BHMT: variants seen among roughly 807,000 people sequenced by gnomAD.
BHMT encodes betaine--homocysteine S-methyltransferase 1.
In BHMT, 38 loss-of-function variants were observed where a neutral mutation model predicts 49.5. The observed-to-expected ratio is 0.77, with a 90% confidence interval of 0.59 to 1.01. The LOEUF is 1.01. Among genes scored for constraint, BHMT ranks in the 50% least tolerant of loss-of-function variants. BHMT has a pLI of 0.00. For missense variants in BHMT, 426 were observed against 495.7 expected (o/e 0.86, Z 1.34); for synonymous variants, 166 against 176.3 (o/e 0.94, Z 0.46).
chr5:79,115,807 G>A lies in BHMT; in HGVS notation c.74G>A (p.Gly25Glu), dbSNP rs1398788417. The change falls in exon 2 of 8, where the codon GGA (glycine) becomes GAA (glutamate). Residue 25 changes from glycine (G) to glutamate (E), a missense_variant. Physicochemically the swap from Gly to Glu is moderately conservative, Grantham distance 98. Around this residue, in one of 3 missense-constraint regions of BHMT, gnomAD observed 321 missense variants for 355.9 expected, o/e 0.90. Transcript: ENST00000274353. ...TTAAATGCTGGAGAGATTGTGATTG[G>A]AGATGGAGGGTTTGTCTTTGCACTG... ...ERLNAGEIVIGDGGFVFALEK... is the reference protein window; with the variant it reads ...ERLNAGEIVIEDGGFVFALEK... The A allele has an allele frequency of 2.5e-6, 4 of 1,613,902 alleles. No individual in the cohort carries two copies. Among genetic ancestry groups the A allele is most frequent in the Non-Finnish European group, 3.4e-6 (4 of 1,179,890 alleles).
At chr5:79,121,717 A>C (rs2112727653) in intron 5 of BHMT, among the ~76,000 whole-genome samples, 1 of 149,440 alleles carries the variant, frequency 6.7e-6, no homozygotes, top group South Asian at 2.2e-4. Context: ...CGGGAGGCTG[A>C]GGCAGGAGAA....
At chr5:79,121,023 C>T (rs1178942340) in intron 4 of BHMT, among the ~76,000 whole-genome samples, 195 bp from the exon 5 acceptor site, 7 of 151,874 alleles carry the variant, frequency 4.6e-5, no homozygotes, top group Non-Finnish European at 8.8e-5. Flanking sequence ...TGGTGGCGGG[C>T]GCCTGTAATC....
intron 2 of BHMT, chr5:79,116,378 T>G (rs563807800): frequency 6.6e-6 from 1 of 152,482 alleles, no homozygotes; most frequent in African/African-American, 2.4e-5. Context: ...AAACATATCT[T>G]GGAATCCAGG....
chr5:79,124,371 A>G (rs2112729795), intron 5 of BHMT, among the ~76,000 whole-genome samples: 1 of 152,206 alleles, frequency 6.6e-6, no homozygotes, highest in South Asian at 2.1e-4. Flanking sequence ...CAACATAATG[A>G]GGCCTTGTCT....
At chr5:79,130,287 C>T (rs1374810666) in intron 7 of BHMT, among the ~76,000 whole-genome samples, 1 of 152,052 alleles carries the variant, frequency 6.6e-6, no homozygotes, top group Non-Finnish European at 1.5e-5. Flanking sequence ...AAAGATGGCT[C>T]CCTCAATGTG....
At chr5:79,122,333 A>C (rs1277885465) in intron 5 of BHMT, among the ~76,000 whole-genome samples, 2 of 152,154 alleles carry the variant, frequency 1.3e-5, no homozygotes, top group Non-Finnish European at 2.9e-5. Flanking sequence ...GTGAACAGCT[A>C]CTTCCTAACT....
rs1216280453 is a variant in BHMT at position 79,116,105 on chromosome 5, C to T, written c.166+206C>T. On this transcript the variant is annotated intron_variant, in intron 2 of 7. Transcript: ENST00000274353. ...TGGTGGTGCACTCCTGTAGTCCCAG[C>T]TACTTGGGAGGCTGAGGCAGGAGGA... is the stretch of plus-strand genomic sequence containing the variant. 8.8e-6 allele frequency: 4 copies of T among 452,744 alleles called. No homozygotes were observed. The Admixed American group carries it at 1.7e-4, about 20-fold the overall frequency. The allele number at this position is 452,744 out of a possible 1,614,324, so 28.0% of individuals were successfully genotyped here. A position where few individuals can be genotyped will look rare whatever the true frequency, so the allele number is the denominator to read the frequency against.
intron 5 of BHMT, among the ~76,000 whole-genome samples, chr5:79,124,273 A>T (rs1351450356): frequency 6.6e-6 from 1 of 152,190 alleles, no homozygotes; most frequent in Non-Finnish European, 1.5e-5. Flanking sequence ...AATGCGCCAG[A>T]TGCAGGGGCT....
intron 7 of BHMT, chr5:79,128,286 C>A: frequency 2.4e-5 from 6 of 246,012 alleles, no homozygotes; most frequent in East Asian, 9.7e-5. Context: ...TTTGGGAGGC[C>A]AAGGTAGGAG....
chr5:79,121,615 C>T (rs1049405069), intron 5 of BHMT, among the ~76,000 whole-genome samples: 1 of 151,902 alleles, frequency 6.6e-6, no homozygotes, highest in Non-Finnish European at 1.5e-5. Flanking sequence ...GAGATCGAGA[C>T]CATCCCGGCT....
rs1756653418 is a variant in BHMT, at chr5:79,132,206, G to A, written c.*1090G>A. 1 of 152,154 alleles carries A rather than the reference G, an allele frequency of 6.6e-6. No homozygotes were observed. Among genetic ancestry groups the A allele is most frequent in the Middle Eastern group, 3.2e-3 (1 of 316 alleles). The allele number at this position is 152,154 out of a possible 1,614,324, so 9.4% of individuals were successfully genotyped here. On this transcript the variant is annotated 3_prime_UTR_variant, in exon 8 of 8. Transcript: ENST00000274353. ...AGTGTATTAGAAAAGAGGTCATGCA[G>A]CTTTCTAAACATTATTGAATTGTTT...
chr5:79,130,792 C>A, intron 7 of BHMT, 141 bp from the exon 8 acceptor site: 7 of 739,040 alleles, frequency 9.5e-6, no homozygotes, highest in Non-Finnish European at 1.3e-5. Context: ...GACACCTTTG[C>A]TTTTTAATGT....
intron 5 of BHMT, 30 bp from the exon 6 acceptor site, chr5:79,126,016 C>A: frequency 6.3e-7 from 1 of 1,580,188 alleles, no homozygotes; most frequent in South Asian, 1.1e-5. Context: ...TGGTGCATCC[C>A]TAAGTCTATC....
In BHMT at chr5:79,121,309, AAGG is replaced by A; in HGVS notation, c.572_574del (p.Gly191del). On this transcript the variant is annotated inframe_deletion, in exon 5 of 8. Transcript: ENST00000274353. ...GCAGCAACCATGTGCATTGGCCCAG[AAGG>A]AGATTTGCATGGCGTGCCCCCCGGC... is the stretch of plus-strand genomic sequence containing the variant. 2 of 1,614,202 alleles carry A rather than the reference AAGG, an allele frequency of 1.2e-6. No individual in the cohort carries two copies. The highest frequency in any genetic ancestry group is 1.7e-6 in the Non-Finnish European group (2 of 1,180,018).
Position 79,126,165 on chromosome 5 carries a change from T to G in BHMT, c.745T>G (p.Leu249Val). ...GAAAGCTCACCTGATGAGCCAGCCC[T>G]TGGCTTACCACACTCCTGACTGCAA... is the stretch of plus-strand genomic sequence containing the variant. Reference protein sequence around the residue: ...RLKAHLMSQPLAYHTPDCNKQ... With the variant: ...RLKAHLMSQPVAYHTPDCNKQ... Residue 249 changes from leucine (L) to valine (V), a missense_variant, in exon 6 of 8, where the codon TTG becomes GTG. Around this residue, in one of 3 missense-constraint regions of BHMT, gnomAD observed 321 missense variants for 355.9 expected, o/e 0.90. Coordinates refer to ENST00000274353, the MANE Select transcript of BHMT (RefSeq NM_001713.3). 1.2e-6 allele frequency: 2 copies of G among 1,613,832 alleles called. No individual in the cohort carries two copies. The highest frequency in any genetic ancestry group is 1.7e-6 in the Non-Finnish European group (2 of 1,179,706).
rs1015430903 is a variant in BHMT, at chr5:79,120,494, C to T, written c.430C>T (p.Gln144Ter). The T allele has an allele frequency of 6.2e-7, 1 of 1,613,576 alleles. No individual in the cohort carries two copies. The highest frequency in any genetic ancestry group is 1.3e-5 in the African/African-American group (1 of 74,886). ...TGAAGTCAAAAAAGTATTTCTGCAA[C>T]AGTTAGAGGTCTTTATGAAGAAGAA... is the stretch of plus-strand genomic sequence containing the variant. ...ETEVKKVFLQ[Q>*]LEVFMKKNVD... The change falls in exon 4 of 8, where the codon CAG (glutamine) becomes TAG (stop). Residue 144 changes from glutamine (Q) to a stop codon, truncating the protein, a stop_gained. Transcript: ENST00000274353. LOFTEE classifies it high-confidence loss of function.
rs1756508774 is a variant in BHMT at position 79,123,680 on chromosome 5, T to A, written c.625+2315T>A. On this transcript the variant is annotated intron_variant, in intron 5 of 7. Transcript: ENST00000274353. The stretch of plus-strand genomic sequence containing the variant: ...GATTCTCCTGCCTCAGCCTCCCAAG[T>A]AGCTGGGATTACAGATGTGTACTAC... Among the ~76,000 whole-genome samples the A allele has an allele frequency of 2.0e-5, 3 of 152,084 alleles. No individual in the cohort carries two copies. In the South Asian group the frequency reaches 6.2e-4, roughly 32 times the overall value.
intron 3 of BHMT, chr5:79,120,131 T>C (rs1192699114): frequency 9.4e-6 from 4 of 425,504 alleles, no homozygotes; most frequent in African/African-American, 8.2e-5. Context: ...TTTGGTACAA[T>C]GTAATGTCAT....
chr5:79,114,543 T>G (rs553891928), intron 1 of BHMT, among the ~76,000 whole-genome samples: 1 of 152,306 alleles, frequency 6.6e-6, no homozygotes, highest in Non-Finnish European at 1.5e-5. Flanking sequence ...AATCTTGTTA[T>G]TATGTCAGCT....
Sources: allele counts gnomAD v4.1 joint callset (sites outside exome capture counted in the v4.1 genomes callset), GRCh38; gene constraint gnomAD v4.1.1; regional missense constraint gnomAD v4.1.1; transcripts MANE v1.5; gene names NCBI Gene and HGNC (gene_info 2026-07-23, HGNC 2026-07-21).